VRK3: variants seen among roughly 807,000 people sequenced by gnomAD.
VRK3 encodes the protein VRK serine/threonine kinase 3, also known as serine/threonine-protein kinase VRK3.
VRK3 carries 50 observed loss-of-function variants against 60.4 expected under a neutral mutation model. The observed-to-expected ratio is 0.83, with a 90% CI of 0.66 to 1.05. VRK3 has a LOEUF of 1.05. Ranked by LOEUF, VRK3 falls within the 50% of genes least tolerant of loss-of-function variation. VRK3 has a pLI of 0.00. For missense variants in VRK3, 549 were observed against 585.3 expected (o/e 0.94, Z 0.64); for synonymous variants, 246 against 227.8 (o/e 1.08, Z -0.72).
At chr19:49,997,747 T>G in intron 6 of VRK3, 177 bp from the exon 7 acceptor site, 1 of 592,186 alleles carries the variant, frequency 1.7e-6, no homozygotes, top group East Asian at 3.0e-5. Flanking sequence ...GCGAGCTACC[T>G]TGCTGTACCC....
intron 12 of VRK3, among the ~76,000 whole-genome samples, chr19:49,983,373 A>G (rs1460285816): frequency 2.6e-5 from 4 of 152,148 alleles, no homozygotes; most frequent in African/African-American, 9.7e-5. Context: ...TGGCCTCCCA[A>G]GAAGTCTTCC....
chr19:50,007,254 T>C (rs976577177), intron 5 of VRK3, among the ~76,000 whole-genome samples: 3 of 152,096 alleles, frequency 2.0e-5, no homozygotes, highest in African/African-American at 7.2e-5. Flanking sequence ...ATGCAGCCCC[T>C]GGGCCTGCAC....
In VRK3 at chr19:49,989,717, C is replaced by T. The variant is rs199516963; in HGVS notation, c.1018G>A (p.Val340Met). ...CTCCTGCTGCCTTCCACGTAGGCCA[C>T]GTGTTTGCCACTTGGGCAATAGCGG... Reference protein sequence around the residue: ...AFRYCPSGKHVAYVEGSRSPH... With the variant: ...AFRYCPSGKHMAYVEGSRSPH... The change falls in exon 11 of 15, where the codon GTG (valine) becomes ATG (methionine). Residue 340 changes from valine (V) to methionine (M), a missense_variant. Physicochemically the swap from Val to Met is conservative, Grantham distance 21 (BLOSUM62 1). Coordinates refer to ENST00000316763, the MANE Select transcript of VRK3 (RefSeq NM_016440.4). 13 of 1,613,710 alleles carry T rather than the reference C, an allele frequency of 8.1e-6. No homozygotes were observed. Among genetic ancestry groups the T allele is most frequent in the African/African-American group, 1.3e-5 (1 of 74,934 alleles).
At chr19:49,991,149 G>C (rs531008512) in intron 10 of VRK3, among the ~76,000 whole-genome samples, 1 of 152,236 alleles carries the variant, frequency 6.6e-6, no homozygotes, top group African/African-American at 2.4e-5. Flanking sequence ...CAGACATTTG[G>C]CCAAACCCTA....
At chr19:49,985,748 G>A (rs755992055) in intron 12 of VRK3, among the ~76,000 whole-genome samples, 7 of 152,194 alleles carry the variant, frequency 4.6e-5, no homozygotes, top group Non-Finnish European at 1.0e-4. Context: ...CTAGAACAGA[G>A]TCTAGCACAT....
chr19:50,000,238 G>A, intron 6 of VRK3: 1 of 154,600 alleles, frequency 6.5e-6, no homozygotes, highest in South Asian at 2.0e-4. Flanking sequence ...TGTGGAAGGC[G>A]TGATTCACCC....
In VRK3 at chr19:49,979,073, C is replaced by T. The variant is rs755976647; in HGVS notation, c.*11+10G>A. On this transcript the variant is annotated intron_variant, in intron 14 of 14. Transcript: ENST00000316763. ...GGGTGAGAGGCTTAAGCCTCACAAG[C>T]TCTTCCCACCTGGATTCCACCTAGG... The T allele has an allele frequency of 1.3e-6, 2 of 1,587,838 alleles. No individual in the cohort carries two copies. Among genetic ancestry groups the T allele is most frequent in the South Asian group, 2.3e-5 (2 of 87,452 alleles).
At chr19:50,000,310 C>T in intron 6 of VRK3, 1 of 167,282 alleles carries the variant, frequency 6.0e-6, no homozygotes. Context: ...GTGCACATGT[C>T]CTGTCTGCTG....
chr19:50,007,963 T>G, intron 4 of VRK3, 137 bp from the exon 5 acceptor site: 1 of 1,291,510 alleles, frequency 7.7e-7, no homozygotes, highest in Non-Finnish European at 1.1e-6. Context: ...CTTCTATGAG[T>G]CAGGCCTTTG....
At chr19:49,982,472 CA>C (rs1437080627) in intron 12 of VRK3, among the ~76,000 whole-genome samples, 1 of 151,294 alleles carries the variant, frequency 6.6e-6, no homozygotes, top group East Asian at 1.9e-4. Context: ...TAATCACTGA[CA>C]AAAAGCATAA....
At chr19:49,979,769 C>A (rs1325569571) in intron 13 of VRK3, among the ~76,000 whole-genome samples, 2 of 152,030 alleles carry the variant, frequency 1.3e-5, no homozygotes, top group Admixed American at 6.5e-5. Flanking sequence ...TTCAGCCGGG[C>A]GCGGTGGCTC....
At position 50,007,735 on chromosome 19, in the gene VRK3, G is replaced by C. The variant is rs117077533; in HGVS notation, c.381C>G (p.Ser127Arg). The change falls in exon 5 of 15, where the codon AGC (serine) becomes AGG (arginine). Residue 127 changes from serine (S) to arginine (R), a missense_variant. Ser to Arg is a moderately radical substitution (Grantham distance 110, BLOSUM62 -1). Coordinates refer to ENST00000316763, the MANE Select transcript of VRK3 (RefSeq NM_016440.4). ...TCTGCCTGGTCTTCTGAGGGCTACA[G>C]CTGGTCTTCTGAGGGCTACCCCTGG... ...QVTRGSPQKT[S>R]CSPQKTRQSP... The C allele has an allele frequency of 1.3e-5, 21 of 1,582,980 alleles. No individual in the cohort carries two copies. The highest frequency in any genetic ancestry group is 1.8e-5 in the Non-Finnish European group (21 of 1,177,900).
intron 5 of VRK3, among the ~76,000 whole-genome samples, chr19:50,007,328 G>T (rs573499348): frequency 0.18 from 26,816 of 151,738 alleles, 2,604 homozygotes; most frequent in East Asian, 0.34. Flanking sequence ...CAGGGCACAT[G>T]CCAACTGGCC....
Position 49,979,233 on chromosome 19 carries a change from T to G in VRK3, c.1286A>C (p.Gln429Pro), listed in dbSNP as rs1214140722. Residue 429 changes from glutamine to proline, a missense_variant, in exon 14 of 15, where the codon CAG becomes CCG. Coordinates refer to ENST00000316763, the MANE Select transcript of VRK3 (RefSeq NM_016440.4). Reference sequence around the variant, plus strand: ...GGCCATCACCACCTTCAGGTACTTCTGCAGGGTCTCTGTGGTCAAGACAAC... The same window carrying G: ...GGCCATCACCACCTTCAGGTACTTCGGCAGGGTCTCTGTGGTCAAGACAAC... ...GHWIRPSETL[Q>P]KYLKVVMALT... 1.2e-6 allele frequency: 2 copies of G among 1,613,880 alleles called. No individual in the cohort carries two copies. Among genetic ancestry groups the G allele is most frequent in the Non-Finnish European group, 1.7e-6 (2 of 1,179,998 alleles).
At chr19:49,998,482 A>C (rs1423749143) in intron 6 of VRK3, 3 of 43,546 alleles carry the variant, frequency 6.9e-5, no homozygotes, top group Admixed American at 2.2e-4. Flanking sequence ...TTTGTAGCAA[A>C]AAAAAAAAAA....
intron 12 of VRK3, among the ~76,000 whole-genome samples, chr19:49,983,890 A>G (rs1251708929): frequency 6.6e-6 from 1 of 152,138 alleles, no homozygotes; most frequent in Non-Finnish European, 1.5e-5. Flanking sequence ...TCTGGGGGAC[A>G]GTGTCAACAT....
chr19:49,999,512 A>C (rs1169839657), intron 6 of VRK3: 5 of 152,486 alleles, frequency 3.3e-5, no homozygotes, highest in Middle Eastern at 6.8e-3. Context: ...TAAATGAATA[A>C]ATGGATGGAT....
chr19:50,001,157 C>T (rs543389828), intron 5 of VRK3: 82 of 312,912 alleles, frequency 2.6e-4, no homozygotes, highest in Non-Finnish European at 4.3e-4. Context: ...GAGTGGGGCT[C>T]GCTGAGCCTA....
chr19:50,005,840 C>T (rs972358773), intron 5 of VRK3, among the ~76,000 whole-genome samples: 3 of 149,702 alleles, frequency 2.0e-5, no homozygotes, highest in Non-Finnish European at 4.4e-5. Context: ...GGGAGAAAGG[C>T]GGTTAGTGGC....
Sources: allele counts gnomAD v4.1 joint callset (sites outside exome capture counted in the v4.1 genomes callset), GRCh38; gene constraint gnomAD v4.1.1; transcripts MANE v1.5; gene names NCBI Gene and HGNC (gene_info 2026-07-23, HGNC 2026-07-21).